CDKAL1: variants seen among roughly 807,000 people sequenced by gnomAD.
CDKAL1 encodes the protein threonylcarbamoyladenosine tRNA methylthiotransferase.
Under a neutral mutation model 68.2 loss-of-function variants are expected in CDKAL1, and 32 were observed. The ratio of observed to expected loss-of-function variants is 0.47; its 90% CI spans 0.35 to 0.63. The LOEUF (loss-of-function observed/expected upper bound fraction) is 0.63, where lower values mean the gene tolerates loss of function less well. CDKAL1 is among the 30% of genes least tolerant of loss of function. The pLI is 0.00. For missense variants in CDKAL1, 606 were observed against 696.7 expected (o/e 0.87, Z 1.47); for synonymous variants, 234 against 244.3 (o/e 0.96, Z 0.39).
chr6:20,602,210 G>T (rs951904554), intron 4 of CDKAL1, among the ~76,000 whole-genome samples: 1 of 152,086 alleles, frequency 6.6e-6, no homozygotes, highest in African/African-American at 2.4e-5. Context: ...CAGTATGGGG[G>T]CACATATTTG....
At chr6:21,028,545 G>A (rs1436269495) in intron 11 of CDKAL1, among the ~76,000 whole-genome samples, 1 of 152,136 alleles carries the variant, frequency 6.6e-6, no homozygotes, top group African/African-American at 2.4e-5. Flanking sequence ...GACATGGGGA[G>A]AGAGAGCTCT....
At chr6:21,097,341 G>T (rs527693457) in intron 12 of CDKAL1, among the ~76,000 whole-genome samples, 78 of 152,292 alleles carry the variant, frequency 5.1e-4, no homozygotes, top group African/African-American at 1.7e-3. Context: ...GTGGTGGCAG[G>T]CACCTGTAGC....
chr6:20,839,686 C>G (rs747616993), intron 8 of CDKAL1, among the ~76,000 whole-genome samples: 10 of 152,082 alleles, frequency 6.6e-5, no homozygotes, highest in Non-Finnish European at 1.3e-4. Context: ...AGCTTCCTGA[C>G]CTCTAAGACA....
At chr6:20,695,237 A>G (rs1771057147) in intron 5 of CDKAL1, among the ~76,000 whole-genome samples, 1 of 152,206 alleles carries the variant, frequency 6.6e-6, no homozygotes, top group Non-Finnish European at 1.5e-5. Context: ...TCATGCTTCT[A>G]AACAAACTTT....
chr6:21,164,030 C>T (rs1327696892), intron 13 of CDKAL1, among the ~76,000 whole-genome samples: 3 of 151,920 alleles, frequency 2.0e-5, no homozygotes, highest in African/African-American at 7.3e-5. Context: ...TAGCATTGCC[C>T]CTCTACCTAG....
intron 8 of CDKAL1, among the ~76,000 whole-genome samples, chr6:20,799,040 G>GTTGTTTTTTTTT (rs1776242510): frequency 1.1e-4 from 5 of 47,482 alleles, no homozygotes; most frequent in African/African-American, 4.3e-4. Flanking sequence ...AAAGAACTGA[G>GTTGTTTTTTTTT]TTTTTTTTTT....
intron 9 of CDKAL1, among the ~76,000 whole-genome samples, chr6:20,895,508 G>C (rs1444110362): frequency 6.6e-6 from 1 of 152,148 alleles, no homozygotes; most frequent in Non-Finnish European, 1.5e-5. Flanking sequence ...TTAGAATTCA[G>C]AATCTAAAGT....
chr6:20,990,199 CA>C (rs1766719574), intron 10 of CDKAL1, among the ~76,000 whole-genome samples: 3 of 152,030 alleles, frequency 2.0e-5, no homozygotes, highest in African/African-American at 7.2e-5. Flanking sequence ...GCCAAGATCG[CA>C]ACACTGCACT....
intron 8 of CDKAL1, among the ~76,000 whole-genome samples, chr6:20,831,832 A>G (rs1377745737): frequency 1.3e-5 from 2 of 152,076 alleles, no homozygotes; most frequent in Non-Finnish European, 2.9e-5. Context: ...CACCTTTCCA[A>G]TTTGCTTCAA....
At chr6:21,094,303 A>G (rs114624645) in intron 12 of CDKAL1, among the ~76,000 whole-genome samples, 157 of 152,310 alleles carry the variant, frequency 1.0e-3, no homozygotes, top group African/African-American at 3.6e-3. Context: ...ATACCAAAAG[A>G]ATAAACTAAA....
At chr6:21,191,644 A>G (rs1250428505) in intron 13 of CDKAL1, among the ~76,000 whole-genome samples, 1 of 152,136 alleles carries the variant, frequency 6.6e-6, no homozygotes, top group East Asian at 1.9e-4. Flanking sequence ...CCATCTTGCC[A>G]GACCTTAGTT....
intron 12 of CDKAL1, among the ~76,000 whole-genome samples, chr6:21,076,672 C>T (rs1442612725): frequency 6.6e-6 from 1 of 152,128 alleles, no homozygotes; most frequent in Non-Finnish European, 1.5e-5. Context: ...TTGTTAAGTA[C>T]CTTTTATTCT....
chr6:20,939,548 A>C (rs1434956381), intron 9 of CDKAL1, among the ~76,000 whole-genome samples: 2 of 152,222 alleles, frequency 1.3e-5, no homozygotes, highest in Admixed American at 1.3e-4. Context: ...AAACTTAACC[A>C]GGGCACTTAT....
chr6:21,174,231 A>G (rs1281770802), intron 13 of CDKAL1, among the ~76,000 whole-genome samples: 1 of 152,226 alleles, frequency 6.6e-6, no homozygotes, highest in Non-Finnish European at 1.5e-5. Context: ...TATGATGAAA[A>G]GGGATATTTT....
intron 13 of CDKAL1, among the ~76,000 whole-genome samples, chr6:21,128,490 A>G (rs1286953703): frequency 6.6e-6 from 1 of 152,228 alleles, no homozygotes; most frequent in African/African-American, 2.4e-5. Context: ...GCCAAAGAAA[A>G]TATCATCATA....
chr6:20,569,049 A>G (rs2127675933), intron 4 of CDKAL1, among the ~76,000 whole-genome samples: 1 of 152,348 alleles, frequency 6.6e-6, no homozygotes, highest in East Asian at 1.9e-4. Flanking sequence ...ATGAATTTAT[A>G]TCAATATCCA....
intron 8 of CDKAL1, among the ~76,000 whole-genome samples, chr6:20,795,233 T>C (rs565790198): frequency 6.6e-6 from 1 of 152,278 alleles, no homozygotes; most frequent in South Asian, 2.1e-4. Context: ...TCAATAAAAA[T>C]GTTTTTACGA....
At chr6:20,949,064 G>C (rs1764399487) in intron 9 of CDKAL1, among the ~76,000 whole-genome samples, 1 of 152,172 alleles carries the variant, frequency 6.6e-6, no homozygotes, top group South Asian at 2.1e-4. Context: ...ACAGATAGCA[G>C]TAAGGTCTGG....
At chr6:20,666,065 T>C (rs1289354343) in intron 5 of CDKAL1, among the ~76,000 whole-genome samples, 1 of 152,044 alleles carries the variant, frequency 6.6e-6, no homozygotes. Context: ...AGAATATGGA[T>C]GTGAAGGTAT....
Sources: allele counts gnomAD v4.1 joint callset (sites outside exome capture counted in the v4.1 genomes callset), GRCh38; gene constraint gnomAD v4.1.1; transcripts MANE v1.5; gene names NCBI Gene and HGNC (gene_info 2026-07-23, HGNC 2026-07-21).